The following SLC46A3 variants were observed in gnomAD, a reference collection of about 807,000 sequenced individuals.
The protein encoded by SLC46A3 is lysosomal proton-coupled steroid conjugate and bile acid symporter SLC46A3.
SLC46A3 carries 26 observed loss-of-function variants against 38.5 expected under a neutral mutation model. The observed-to-expected ratio is 0.68, with a 90% confidence interval of 0.49 to 0.94. The LOEUF (loss-of-function observed/expected upper bound fraction) is 0.94, where lower values mean the gene tolerates loss of function less well. Ranked by LOEUF, SLC46A3 falls within the 40% of genes least tolerant of loss-of-function variation. The pLI is 0.00. For missense variants in SLC46A3, 510 were observed against 544.3 expected (o/e 0.94, Z 0.63); for synonymous variants, 185 against 192.5 (o/e 0.96, Z 0.32).
rs1386131539 is a variant in SLC46A3, at chr13:28,701,584, A to C, written c.1302-3T>G. ...TCCAGCTGGTACACTTGACAACACT[A>C]TAAAAGGAAACAAGACATTTTAAAG... On this transcript the variant is annotated splice_polypyrimidine_tract_variant and splice_region_variant and intron_variant, in intron 5 of 5. Coordinates refer to ENST00000266943, the MANE Select transcript of SLC46A3 (RefSeq NM_181785.4). The C allele has an allele frequency of 6.2e-7, 1 of 1,610,036 alleles. No individual in the cohort carries two copies.
Position 28,701,575 on chromosome 13 carries a change from G to C in SLC46A3, c.1308C>G (p.Val436=). The change falls in exon 6 of 6, where the codon GTC becomes GTG. Residue 436 remains valine (V), a synonymous_variant. Transcript: ENST00000266943. ...TTCCCTCATTCCAGCTGGTACACTT[G>C]ACAACACTATAAAAGGAAACAAGAC... ...LLLPAISLCV[V]KCTSWNEGSY... 6.2e-7 allele frequency: 1 copy of C among 1,612,698 alleles called. No homozygotes were observed. The highest frequency in any genetic ancestry group is 8.5e-7 in the Non-Finnish European group (1 of 1,179,276).
chr13:28,713,384 C>G lies in SLC46A3; in HGVS notation c.356G>C (p.Cys119Ser). ...TGGAAAGGCAAAATAGCAAAGCAAA[C>G]AGAGCCAAACGCTGGTTGCAAGAGC... Reference protein sequence around the residue: ...VGALATSVWLCLLCYFAFPFQ... With the variant: ...VGALATSVWLSLLCYFAFPFQ... The change falls in exon 3 of 6, where the codon TGT becomes TCT. Residue 119 changes from cysteine (C) to serine (S), a missense_variant. Cys to Ser is a moderately radical substitution (Grantham distance 112, BLOSUM62 -1). Coordinates refer to ENST00000266943, the MANE Select transcript of SLC46A3 (RefSeq NM_181785.4). The G allele has an allele frequency of 1.2e-6, 2 of 1,614,028 alleles. No individual in the cohort carries two copies. Among genetic ancestry groups the G allele is most frequent in the Non-Finnish European group, 1.7e-6 (2 of 1,180,022 alleles).
intron 4 of SLC46A3, among the ~76,000 whole-genome samples, chr13:28,706,710 C>T (rs1033630453): frequency 5.9e-5 from 9 of 152,110 alleles, no homozygotes; most frequent in Non-Finnish European, 1.0e-4. Flanking sequence ...CTGCACCTGG[C>T]GGAGATGACT....
At chr13:28,710,419 G>A (rs1164758790) in intron 4 of SLC46A3, among the ~76,000 whole-genome samples, 1 of 152,240 alleles carries the variant, frequency 6.6e-6, no homozygotes, top group Non-Finnish European at 1.5e-5. Flanking sequence ...CCCAGAACTG[G>A]GCTGGGAATT....
At chr13:28,708,070 T>C (rs748700974) in intron 4 of SLC46A3, among the ~76,000 whole-genome samples, 10 of 152,264 alleles carry the variant, frequency 6.6e-5, no homozygotes, top group South Asian at 6.2e-4. Context: ...ACATTTTGTT[T>C]ACCCATTTGT....
At chr13:28,711,223 G>A (rs956275966) in intron 3 of SLC46A3, among the ~76,000 whole-genome samples, 2 of 152,200 alleles carry the variant, frequency 1.3e-5, no homozygotes, top group East Asian at 3.9e-4. Context: ...TCGGGAGTTC[G>A]AGACCAGCCT....
Position 28,713,544 on chromosome 13 carries a change from G to T in SLC46A3, c.196C>A (p.Gln66Lys). Reference protein sequence around the residue: ...SPIFAFQEEVQKKVSRFNLQM... With the variant: ...SPIFAFQEEVKKKVSRFNLQM... ...AGATTAAAACGTGACACTTTTTTCT[G>T]AACTTCCTGCAAAGAAATATAAAGA... Residue 66 changes from glutamine to lysine, a missense_variant, in exon 3 of 6, where the codon CAG (glutamine) becomes AAG (lysine). Gln to Lys is a moderately conservative substitution (Grantham distance 53). Coordinates refer to ENST00000266943, the MANE Select transcript of SLC46A3 (RefSeq NM_181785.4). 2 of 1,599,946 alleles carry T rather than the reference G, an allele frequency of 1.3e-6. No homozygotes were observed. The highest frequency in any genetic ancestry group is 2.2e-5 in the South Asian group (2 of 89,426).
At position 28,711,888 on chromosome 13, in the gene SLC46A3, T is replaced by C. The variant is rs149275330; in HGVS notation, c.1060+792A>G. On this transcript the variant is annotated intron_variant, in intron 3 of 5. Coordinates refer to ENST00000266943, the MANE Select transcript of SLC46A3 (RefSeq NM_181785.4). ...CTACCTAATGTTCACTGTAATCCTC[T>C]AAATTAGGTAGTACCACGCCCATTT... Among the ~76,000 whole-genome samples the C allele has an allele frequency of 8.3e-4, 127 of 152,316 alleles. 2 individuals are homozygous for C. The Middle Eastern group carries it at 0.014, about 16-fold the overall frequency.
In SLC46A3 at chr13:28,703,962, G is replaced by A. The variant is rs750405021; in HGVS notation, c.1282C>T (p.Leu428Phe). Residue 428 changes from leucine to phenylalanine, a missense_variant, in exon 5 of 6, where the codon CTT becomes TTT. Physicochemically the swap from Leu to Phe is conservative, Grantham distance 22. Coordinates refer to ENST00000266943, the MANE Select transcript of SLC46A3 (RefSeq NM_181785.4). ...TFLLSAGLLL[L>F]PAISLCVVKC... is the part of the protein sequence containing the mutation. ...ACATACCATAGACTGATGGCTGGAA[G>A]TAGTAACAGACCAGCAGACAGCAGG... The A allele has an allele frequency of 2.5e-6, 4 of 1,613,526 alleles. No homozygotes were observed. The highest frequency in any genetic ancestry group is 3.3e-5 in the Admixed American group (2 of 59,980).
intron 2 of SLC46A3, among the ~76,000 whole-genome samples, chr13:28,714,156 A>AT (rs55695561): frequency 0.83 from 113,154 of 136,498 alleles, 47,381 homozygotes; most frequent in Non-Finnish European, 0.93. Context: ...AAAAAAAAAA[A>AT]AAACCTTTAT....
At chr13:28,701,777 T>G (rs995204672) in intron 5 of SLC46A3, among the ~76,000 whole-genome samples, 196 bp from the exon 6 acceptor site, 2 of 152,220 alleles carry the variant, frequency 1.3e-5, no homozygotes, top group African/African-American at 4.8e-5. Context: ...GCATGATTTT[T>G]TTTCTCTTCT....
Position 28,701,404 on chromosome 13 carries a change from G to A in SLC46A3, c.*93C>T, listed in dbSNP as rs1401274123. 2.0e-6 allele frequency: 3 copies of A among 1,535,142 alleles called. No homozygotes were observed. In the Admixed American group the frequency reaches 6.4e-5, roughly 33 times the overall value. On this transcript the variant is annotated 3_prime_UTR_variant, in exon 6 of 6. Transcript: ENST00000266943. The stretch of plus-strand genomic sequence containing the variant: ...AAGATAGGTAAAATTGGTTCTCAGT[G>A]AAGCACTGATTGTGGAATTCATTTA...
intron 2 of SLC46A3, among the ~76,000 whole-genome samples, chr13:28,715,237 T>C (rs1245164616): frequency 6.6e-6 from 1 of 152,216 alleles, no homozygotes; most frequent in Non-Finnish European, 1.5e-5. Flanking sequence ...TTCTCTTGAA[T>C]ATTAATCCAA....
Position 28,701,219 on chromosome 13 carries a change from G to A in SLC46A3, c.*278C>T. 1 of 1,389,972 alleles carries A rather than the reference G, an allele frequency of 7.2e-7. No individual in the cohort carries two copies. The highest frequency in any genetic ancestry group is 2.6e-5 in the East Asian group (1 of 37,774). 86.1% of individuals were successfully genotyped at this position (1,389,972 alleles called of 1,614,324 possible). A position where few individuals can be genotyped will look rare whatever the true frequency, so the allele number is the denominator to read the frequency against. On this transcript the variant is annotated 3_prime_UTR_variant, in exon 6 of 6. Coordinates refer to ENST00000266943, the MANE Select transcript of SLC46A3 (RefSeq NM_181785.4). Reference sequence around the variant, plus strand: ...TCTTGATCCCTCCTTACACCCTTAAGTTTTAATGTTTCTCTTCTAAGTCTA... The same window carrying A: ...TCTTGATCCCTCCTTACACCCTTAAATTTTAATGTTTCTCTTCTAAGTCTA...
At chr13:28,715,879 C>T (rs7333052) in intron 2 of SLC46A3, among the ~76,000 whole-genome samples, 46,985 of 151,552 alleles carry the variant, frequency 0.31, 7,727 homozygotes, top group Middle Eastern at 0.47. Flanking sequence ...CGGTGGCTCA[C>T]GCCTGTAATC....
At chr13:28,712,263 AT>A (rs1387829556) in intron 3 of SLC46A3, among the ~76,000 whole-genome samples, 1 of 152,230 alleles carries the variant, frequency 6.6e-6, no homozygotes, top group African/African-American at 2.4e-5. Context: ...TCTTTAAAAA[AT>A]TTCTTCTTGA....
At position 28,713,478 on chromosome 13, in the gene SLC46A3, T is replaced by C; in HGVS notation, c.262A>G (p.Thr88Ala). ...TCACTAATAGACAAAAGTATGAATG[T>C]AGACACTAGACCAGGAATTAATCCA... ...ISGLIPGLVSTFILLSISDHY... is the reference protein window; with the variant it reads ...ISGLIPGLVSAFILLSISDHY... Residue 88 changes from threonine to alanine, a missense_variant, in exon 3 of 6, where the codon ACA becomes GCA. Thr to Ala is a moderately conservative substitution (Grantham distance 58, BLOSUM62 0). Transcript: ENST00000266943. 1 of 1,614,034 alleles carries C rather than the reference T, an allele frequency of 6.2e-7. No individual in the cohort carries two copies. Among genetic ancestry groups the C allele is most frequent in the Non-Finnish European group, 8.5e-7 (1 of 1,179,876 alleles).
chr13:28,707,010 G>T (rs921081892), intron 4 of SLC46A3, among the ~76,000 whole-genome samples: 1 of 152,134 alleles, frequency 6.6e-6, no homozygotes, highest in African/African-American at 2.4e-5. Flanking sequence ...CAAGGATCTA[G>T]AACTAGAAAT....
intron 2 of SLC46A3, among the ~76,000 whole-genome samples, chr13:28,714,825 G>C (rs541952494): frequency 5.3e-5 from 8 of 152,280 alleles, no homozygotes; most frequent in African/African-American, 1.4e-4. Flanking sequence ...CAACTTCCAA[G>C]GACCAAAATG....
Sources: gnomAD v4.1 joint callset for allele counts (sites outside exome capture counted in the v4.1 genomes callset) on GRCh38, gnomAD v4.1.1 for gene constraint, MANE v1.5 for transcripts, NCBI Gene and HGNC (gene_info 2026-07-23, HGNC 2026-07-21) for gene names.